CSMD1: variants seen among roughly 807,000 people sequenced by gnomAD.
The protein encoded by CSMD1 is CUB and sushi domain-containing protein 1.
CSMD1 carries 213 observed loss-of-function variants against 417.5 expected under a neutral mutation model. The observed-to-expected ratio is 0.51, with a 90% confidence interval of 0.46 to 0.57. The LOEUF is 0.57. Among genes scored for constraint, CSMD1 ranks in the 20% least tolerant of loss-of-function variants. The pLI, the probability that CSMD1 is intolerant of heterozygous loss-of-function variation, is 0.00. For synonymous variants in CSMD1, 2,862 were observed against 1,736.8 expected (o/e 1.65, Z -16.11); for missense variants, 6,923 against 4,529.7 (o/e 1.53, Z -15.17).
intron 6 of CSMD1, among the ~76,000 whole-genome samples, chr8:3,747,801 T>C (rs530882171): frequency 6.6e-6 from 1 of 152,186 alleles, no homozygotes; most frequent in Non-Finnish European, 1.5e-5. Context: ...AAAAAGTCAT[T>C]GTTTTGTTCT....
chr8:4,972,809 T>C (rs1304262361), intron 1 of CSMD1, among the ~76,000 whole-genome samples: 1 of 152,158 alleles, frequency 6.6e-6, no homozygotes, highest in African/African-American at 2.4e-5. Context: ...TGTTGTCTTG[T>C]TAATTGCTCT....
intron 3 of CSMD1, among the ~76,000 whole-genome samples, chr8:4,405,539 G>A (rs1804946817): frequency 1.3e-5 from 2 of 152,090 alleles, no homozygotes; most frequent in Non-Finnish European, 2.9e-5. Context: ...TATAGTAAGT[G>A]CCATGAAACC....
intron 4 of CSMD1, among the ~76,000 whole-genome samples, chr8:4,029,439 G>A (rs147294664): frequency 9.2e-5 from 14 of 152,272 alleles, no homozygotes; most frequent in Middle Eastern, 3.4e-3. Flanking sequence ...TATATGGATA[G>A]CAGCAGGCAA....
chr8:3,691,685 C>G (rs1378949392), intron 7 of CSMD1, among the ~76,000 whole-genome samples: 1 of 152,026 alleles, frequency 6.6e-6, no homozygotes, highest in South Asian at 2.1e-4. Flanking sequence ...TTTTTTATAG[C>G]AATGTAATAA....
chr8:4,584,016 G>C (rs1247247470), intron 2 of CSMD1, among the ~76,000 whole-genome samples: 3 of 151,896 alleles, frequency 2.0e-5, no homozygotes, highest in Non-Finnish European at 1.5e-5. Context: ...AACAACTCCA[G>C]ATGCGCCGCC....
intron 3 of CSMD1, among the ~76,000 whole-genome samples, chr8:4,054,017 C>G (rs577741935): frequency 6.6e-6 from 1 of 152,312 alleles, no homozygotes; most frequent in South Asian, 2.1e-4. Context: ...TTTTCCCCAA[C>G]ATGGCCACAG....
chr8:3,631,188 CTCTA>C (rs1417334244), intron 7 of CSMD1, among the ~76,000 whole-genome samples: 1 of 152,228 alleles, frequency 6.6e-6, no homozygotes, highest in Non-Finnish European at 1.5e-5. Context: ...CCTTCCCCTT[CTCTA>C]TCTACCTGCT....
Position 4,647,833 on chromosome 8 carries a change from T to G in CSMD1, c.86-10275A>C, listed in dbSNP as rs186399989. 2.0e-4 allele frequency among the ~76,000 whole-genome samples: 31 copies of G among 152,356 alleles called. No individual in the cohort carries two copies. In the East Asian group the frequency reaches 4.6e-3, roughly 23 times the overall value. On this transcript the variant is annotated intron_variant, in intron 1 of 69. Transcript: ENST00000635120. Reference sequence around the variant, plus strand: ...GTCTATCACTGATGGGCGTTTGGGTTGGTTCCAAGTCTTTGCTATTGTAAA... The same window carrying G: ...GTCTATCACTGATGGGCGTTTGGGTGGGTTCCAAGTCTTTGCTATTGTAAA...
intron 1 of CSMD1, among the ~76,000 whole-genome samples, chr8:4,675,327 G>A (rs912484675): frequency 6.6e-6 from 1 of 152,164 alleles, no homozygotes; most frequent in African/African-American, 2.4e-5. Flanking sequence ...AAAGTTATTT[G>A]TAAAATAAAT....
chr8:4,390,919 T>C (rs1019601917), intron 3 of CSMD1, among the ~76,000 whole-genome samples: 3 of 152,320 alleles, frequency 2.0e-5, no homozygotes. Flanking sequence ...AAGGTAGTTA[T>C]CAGTAGAAAA....
chr8:4,725,365 A>G (rs1008313398), intron 1 of CSMD1, among the ~76,000 whole-genome samples: 1 of 152,202 alleles, frequency 6.6e-6, no homozygotes, highest in Non-Finnish European at 1.5e-5. Context: ...AATTAATTAC[A>G]TAATAGTAAT....
intron 1 of CSMD1, among the ~76,000 whole-genome samples, chr8:4,963,237 G>C (rs1378875179): frequency 6.6e-6 from 1 of 152,126 alleles, no homozygotes; most frequent in African/African-American, 2.4e-5. Context: ...GTCTTGCTCT[G>C]TCACGCAGGC....
intron 7 of CSMD1, among the ~76,000 whole-genome samples, chr8:3,661,133 G>A (rs928039162): frequency 6.6e-6 from 1 of 152,312 alleles, no homozygotes; most frequent in South Asian, 2.1e-4. Flanking sequence ...ATAGCCTGAG[G>A]AGAACTCCGT....
intron 8 of CSMD1, among the ~76,000 whole-genome samples, chr8:3,607,796 G>C (rs1029483975): frequency 3.9e-5 from 6 of 152,200 alleles, no homozygotes; most frequent in African/African-American, 1.2e-4. Flanking sequence ...TTTGTGGAAA[G>C]ACTCAAATGA....
intron 3 of CSMD1, among the ~76,000 whole-genome samples, chr8:4,087,303 G>A (rs1196569242): frequency 6.6e-6 from 1 of 152,140 alleles, no homozygotes; most frequent in Non-Finnish European, 1.5e-5. Context: ...CCTTCCTGCA[G>A]GTGATTTTCC....
intron 37 of CSMD1, among the ~76,000 whole-genome samples, chr8:3,178,948 C>CTT (rs11347913): frequency 6.7e-5 from 9 of 135,124 alleles, no homozygotes; most frequent in East Asian, 2.1e-4. Context: ...ATCTATATTT[C>CTT]TTTTTTTTTT....
intron 3 of CSMD1, among the ~76,000 whole-genome samples, chr8:4,181,328 A>G (rs1431635688): frequency 6.6e-6 from 1 of 152,084 alleles, no homozygotes; most frequent in Non-Finnish European, 1.5e-5. Flanking sequence ...TATCCATGCT[A>G]AAAGAAATGC....
intron 5 of CSMD1, among the ~76,000 whole-genome samples, chr8:3,848,580 A>G (rs1803670405): frequency 1.3e-5 from 2 of 152,158 alleles, no homozygotes; most frequent in Admixed American, 6.5e-5. Flanking sequence ...CTCCTTGTAA[A>G]TATGTACTTT....
chr8:3,284,051 AAGG>A lies in CSMD1; in HGVS notation c.4153+90_4153+92del, dbSNP rs1802949057. The A allele has an allele frequency of 6.7e-6, 7 of 1,045,830 alleles. No homozygotes were observed. The South Asian group carries it at 8.5e-5, about 13-fold the overall frequency. 64.8% of individuals were successfully genotyped at this position (1,045,830 alleles called of 1,614,324 possible). A position where few individuals can be genotyped will look rare whatever the true frequency, so the allele number is the denominator to read the frequency against. On this transcript the variant is annotated intron_variant, in intron 26 of 69. Transcript: ENST00000635120. ...TAGGCTCAATAAATTGCATCTGTGTAAGGAGACGCTGGTGAATATAAATGGAGG... is the reference window on the plus strand; with the variant it reads ...TAGGCTCAATAAATTGCATCTGTGTAAGACGCTGGTGAATATAAATGGAGG...
Sources: gnomAD v4.1 joint callset for allele counts (sites outside exome capture counted in the v4.1 genomes callset) on GRCh38, gnomAD v4.1.1 for gene constraint, MANE v1.5 for transcripts, NCBI Gene and HGNC (gene_info 2026-07-23, HGNC 2026-07-21) for gene names.